The following INPP5A variants were observed in gnomAD, a reference collection of about 807,000 sequenced individuals.
INPP5A encodes the protein inositol polyphosphate-5-phosphatase A, also known as 43 kDa inositol polyphosphate 5-phophatase.
Under a neutral mutation model 65.2 loss-of-function variants are expected in INPP5A, and 14 were observed. The observed-to-expected ratio is 0.21, with a 90% CI of 0.14 to 0.34. INPP5A has a LOEUF of 0.34. Among genes scored for constraint, INPP5A ranks in the 10% least tolerant of loss-of-function variants. The pLI is 1.00. For missense variants in INPP5A, 431 were observed against 545.6 expected, an observed-to-expected ratio of 0.79 and a Z score of 2.09; for synonymous variants, 207 against 208.3, an observed-to-expected ratio of 0.99 and a Z score of 0.05.
intron 6 of INPP5A, among the ~76,000 whole-genome samples, chr10:132,700,990 G>A (rs1845427627): frequency 6.6e-6 from 1 of 152,230 alleles, no homozygotes; most frequent in Admixed American, 6.5e-5. Flanking sequence ...CCCGTAGTGA[G>A]AAATTGGTTG....
In INPP5A at chr10:132,704,429, C is replaced by G. The variant is rs550598092; in HGVS notation, c.475-3884C>G. Reference sequence around the variant, plus strand: ...TTCTTAACCTGTGAGCCTCAGTTTCCCTTTCTGGTCGGCCCGAGGGTTGGG... The same window carrying G: ...TTCTTAACCTGTGAGCCTCAGTTTCGCTTTCTGGTCGGCCCGAGGGTTGGG... On this transcript the variant is annotated intron_variant, in intron 6 of 15. Coordinates refer to ENST00000368594, the MANE Select transcript of INPP5A (RefSeq NM_005539.5). This position sits in a 1 kb window ranked among gnomAD's most constrained non-coding sequence, Gnocchi z 4.5. Among the ~76,000 whole-genome samples the G allele has an allele frequency of 6.6e-6, 1 of 152,366 alleles. No individual in the cohort carries two copies. The highest frequency in any genetic ancestry group is 2.1e-4 in the South Asian group (1 of 4,828).
At chr10:132,667,659 C>T (rs2072824193) in intron 4 of INPP5A, among the ~76,000 whole-genome samples, 1 of 152,110 alleles carries the variant, frequency 6.6e-6, no homozygotes, top group African/African-American at 2.4e-5. Flanking sequence ...GGCTTAATTA[C>T]TTTAAAATTG....
At position 132,771,657 on chromosome 10, in the gene INPP5A, C is replaced by T. The variant is rs1342282100; in HGVS notation, c.977+5811C>T. 4.8e-5 allele frequency among the ~76,000 whole-genome samples: 7 copies of T among 145,428 alleles called. 1 individual carries two copies. Among genetic ancestry groups the T allele is most frequent in the African/African-American group, 1.2e-4 (5 of 40,228 alleles). On this transcript the variant is annotated intron_variant, in intron 12 of 15. Transcript: ENST00000368594. ...GACACGGAGGCCCCGGCAGCCGCCC[C>T]GCGAAGAGTGGGACAGACACTCAGC...
chr10:132,538,631 C>T lies in INPP5A; in HGVS notation c.75+460C>T, dbSNP rs999320347. Among the ~76,000 whole-genome samples, 8 of 152,134 alleles carry T rather than the reference C, an allele frequency of 5.3e-5. No homozygotes were observed. The highest frequency in any genetic ancestry group is 1.9e-4 in the African/African-American group (8 of 41,418). On this transcript the variant is annotated intron_variant, in intron 1 of 15. Coordinates refer to ENST00000368594, the MANE Select transcript of INPP5A (RefSeq NM_005539.5). The surrounding 1 kb of genome is among the most constrained non-coding windows in gnomAD (Gnocchi z 4.1). ...ACCCTGGCCCTGGAATGCCCATCCC[C>T]AACCCTGGCCCTGAACCCCAGGTCC...
rs1006735274 is a variant in INPP5A, at chr10:132,547,908, A to AT, written c.75+9750dup. Among the ~76,000 whole-genome samples, 86 of 142,708 alleles carry AT rather than the reference A, an allele frequency of 6.0e-4. No individual in the cohort carries two copies. The highest frequency in any genetic ancestry group is 1.3e-3 in the Admixed American group (18 of 14,276). The allele number at this position is 142,708 out of a possible 152,430, so 93.6% of individuals were successfully genotyped here. On this transcript the variant is annotated intron_variant, in intron 1 of 15. Coordinates refer to ENST00000368594, the MANE Select transcript of INPP5A (RefSeq NM_005539.5). The surrounding 1 kb of genome is among the most constrained non-coding windows in gnomAD (Gnocchi z 5.5). ...GGTGGGGACCATGGTGTCTTTTTTAATTTTTTTTTTTTTAAGATGGACACT... is the reference window on the plus strand; with the variant it reads ...GGTGGGGACCATGGTGTCTTTTTTAATTTTTTTTTTTTTTAAGATGGACACT...
At chr10:132,562,321 G>GGCCTGTCTGCT (rs1306787656) in intron 1 of INPP5A, among the ~76,000 whole-genome samples, 1 of 152,242 alleles carries the variant, frequency 6.6e-6, no homozygotes, top group Non-Finnish European at 1.5e-5. Flanking sequence ...CGCCACCTCT[G>GGCCTGTCTGCT]GCCTGTCTGC....
chr10:132,639,586 C>T (rs1445705206), intron 2 of INPP5A, among the ~76,000 whole-genome samples: 1 of 152,194 alleles, frequency 6.6e-6, no homozygotes, highest in Non-Finnish European at 1.5e-5. Flanking sequence ...GTTATGCACT[C>T]ACTGAGGTTC....
intron 1 of INPP5A, among the ~76,000 whole-genome samples, chr10:132,588,875 T>G (rs1278365923): frequency 1.3e-5 from 2 of 151,088 alleles, no homozygotes; most frequent in Non-Finnish European, 3.0e-5. Flanking sequence ...CTGTGTGTGT[T>G]GTCATGGTGG....
intron 9 of INPP5A, among the ~76,000 whole-genome samples, chr10:132,728,965 G>A (rs938986397): frequency 6.6e-6 from 1 of 152,104 alleles, no homozygotes; most frequent in Non-Finnish European, 1.5e-5. Flanking sequence ...GCAGGCGTGG[G>A]GGTCCTGGAC....
chr10:132,734,187 T>G (rs1846136397), intron 9 of INPP5A, among the ~76,000 whole-genome samples: 1 of 151,864 alleles, frequency 6.6e-6, no homozygotes, highest in African/African-American at 2.4e-5. Flanking sequence ...CCAGCTATGC[T>G]CTCGTGTGAC....
intron 4 of INPP5A, among the ~76,000 whole-genome samples, chr10:132,654,412 C>T (rs2072622976): frequency 6.6e-6 from 1 of 152,260 alleles, no homozygotes; most frequent in Non-Finnish European, 1.5e-5. Flanking sequence ...CGGGCCTGTC[C>T]TCCCTGTCTT....
chr10:132,636,183 G>GTGTGTGTC, intron 2 of INPP5A, among the ~76,000 whole-genome samples: 1 of 152,018 alleles, frequency 6.6e-6, no homozygotes, highest in South Asian at 2.1e-4. Flanking sequence ...GTGTGTGTGT[G>GTGTGTGTC]TGTGTATTTT....
chr10:132,610,378 G>A (rs971526955), intron 2 of INPP5A, among the ~76,000 whole-genome samples: 5 of 152,140 alleles, frequency 3.3e-5, no homozygotes, highest in African/African-American at 1.2e-4. Flanking sequence ...GGTGGGGGGC[G>A]GTTCGTGAAC....
intron 1 of INPP5A, among the ~76,000 whole-genome samples, chr10:132,595,292 C>T (rs950528584): frequency 2.2e-4 from 34 of 152,288 alleles, no homozygotes; most frequent in African/African-American, 7.2e-4. Flanking sequence ...GGGCTGCTCG[C>T]GCCGGTGGGG....
intron 3 of INPP5A, among the ~76,000 whole-genome samples, chr10:132,647,690 C>G (rs144958317): frequency 6.6e-6 from 1 of 152,070 alleles, no homozygotes; most frequent in Non-Finnish European, 1.5e-5. Flanking sequence ...CCCAGACCCT[C>G]GCGGCTGCCT....
chr10:132,542,495 C>T lies in INPP5A; in HGVS notation c.75+4324C>T, dbSNP rs549847395. Among the ~76,000 whole-genome samples the T allele has an allele frequency of 3.2e-4, 49 of 152,332 alleles. No individual in the cohort carries two copies. In the East Asian group the frequency reaches 9.2e-3, roughly 29 times the overall value. Reference sequence around the variant, plus strand: ...TTCCTGGCAACACCAAAGGTACTGCCCTCTCTCCCACCTTGAAAACTCTGA... The same window carrying T: ...TTCCTGGCAACACCAAAGGTACTGCTCTCTCTCCCACCTTGAAAACTCTGA... On this transcript the variant is annotated intron_variant, in intron 1 of 15. Coordinates refer to ENST00000368594, the MANE Select transcript of INPP5A (RefSeq NM_005539.5).
intron 1 of INPP5A, among the ~76,000 whole-genome samples, chr10:132,586,810 C>T (rs1043425827): frequency 4.6e-5 from 7 of 152,244 alleles, no homozygotes; most frequent in African/African-American, 1.7e-4. Flanking sequence ...AAGAAACATG[C>T]ATGCATGTCA....
At chr10:132,758,085 C>CCCCACA (rs1250802295) in intron 11 of INPP5A, among the ~76,000 whole-genome samples, 2 of 139,392 alleles carry the variant, frequency 1.4e-5, no homozygotes, top group Admixed American at 7.1e-5. Context: ...CCTTGGCTGA[C>CCCCACA]CCCATAGCCC....
chr10:132,541,576 C>G (rs11146415), intron 1 of INPP5A, among the ~76,000 whole-genome samples: 6,352 of 152,300 alleles, frequency 0.042, 157 homozygotes, highest in Non-Finnish European at 0.067. Flanking sequence ...TTGGTTATAA[C>G]TACCAATATT....
Sources: allele counts gnomAD v4.1 joint callset (sites outside exome capture counted in the v4.1 genomes callset), GRCh38; gene constraint gnomAD v4.1.1; non-coding constraint Gnocchi (gnomAD v3.1); transcripts MANE v1.5; gene names NCBI Gene and HGNC (gene_info 2026-07-23, HGNC 2026-07-21).